Variants in RASAL2 observed in about 807,000 individuals in gnomAD.
RASAL2 encodes RAS protein activator like 2, also known as ras GTPase-activating protein nGAP.
In RASAL2, 58 loss-of-function variants were observed where a neutral mutation model predicts 128.9. The ratio of observed to expected loss-of-function variants is 0.45; its 90% CI spans 0.36 to 0.56. The LOEUF (loss-of-function observed/expected upper bound fraction) is 0.56, where lower values mean the gene tolerates loss of function less well. Ranked by LOEUF, RASAL2 falls within the 20% of genes least tolerant of loss-of-function variation. RASAL2 has a pLI of 0.00. For synonymous variants in RASAL2, 561 were observed against 580.8 expected (o/e 0.97, Z 0.49); for missense variants, 1,360 against 1,601.6 (o/e 0.85, Z 2.57).
At chr1:178,396,030 G>T (rs1355224012) in intron 4 of RASAL2, among the ~76,000 whole-genome samples, 8 of 149,870 alleles carry the variant, frequency 5.3e-5, no homozygotes, top group Non-Finnish European at 1.0e-4. Flanking sequence ...TCAGAGCAGA[G>T]AAAAAAAAAG....
chr1:178,464,525 T>TA, intron 15 of RASAL2, 113 bp downstream of exon 15: 1 of 1,230,560 alleles, frequency 8.1e-7, no homozygotes, highest in Non-Finnish European at 1.1e-6. Context: ...CTCTACCCCT[T>TA]ATGTTAATCA....
chr1:178,162,308 T>TATATATATATAA (rs1452532619), intron 1 of RASAL2, among the ~76,000 whole-genome samples: 1 of 129,174 alleles, frequency 7.7e-6, no homozygotes, highest in African/African-American at 3.0e-5. Context: ...TATATATATA[T>TATATATATATAA]AATGTATTAT....
intron 1 of RASAL2, among the ~76,000 whole-genome samples, chr1:178,265,211 AATGG>A: frequency 6.6e-6 from 1 of 152,236 alleles, no homozygotes; most frequent in East Asian, 1.9e-4. Flanking sequence ...CAAATGTTCA[AATGG>A]AACTATATAG....
intron 1 of RASAL2, among the ~76,000 whole-genome samples, chr1:178,196,321 A>G (rs728687): frequency 0.049 from 7,474 of 152,288 alleles, 269 homozygotes; most frequent in African/African-American, 0.1. Context: ...AAGTCAAGGT[A>G]CAAAGTGAGA....
At chr1:178,262,992 T>C (rs1665771822) in intron 1 of RASAL2, among the ~76,000 whole-genome samples, 1 of 152,144 alleles carries the variant, frequency 6.6e-6, no homozygotes, top group African/African-American at 2.4e-5. Context: ...AAGAATAATA[T>C]GTAGATTTTT....
At chr1:178,241,581 A>G (rs970634496) in intron 1 of RASAL2, among the ~76,000 whole-genome samples, 4 of 152,182 alleles carry the variant, frequency 2.6e-5, no homozygotes, top group Non-Finnish European at 5.9e-5. Context: ...CTTTAATTTA[A>G]CTAGAATACA....
intron 1 of RASAL2, among the ~76,000 whole-genome samples, chr1:178,237,541 G>T (rs938563068): frequency 3.8e-4 from 58 of 152,294 alleles, no homozygotes; most frequent in African/African-American, 1.3e-3. Context: ...AGAGCCAGTG[G>T]TTTACGAGTA....
intron 1 of RASAL2, among the ~76,000 whole-genome samples, chr1:178,167,667 A>G (rs1297606119): frequency 1.3e-5 from 2 of 152,070 alleles, no homozygotes; most frequent in East Asian, 1.9e-4. Context: ...TTAATATACA[A>G]ATAAACTAGT....
intron 3 of RASAL2, among the ~76,000 whole-genome samples, chr1:178,383,657 C>T (rs970481771): frequency 6.6e-6 from 1 of 152,174 alleles, no homozygotes; most frequent in Non-Finnish European, 1.5e-5. Flanking sequence ...AACCCATTTC[C>T]TCCTACTATT....
intron 1 of RASAL2, among the ~76,000 whole-genome samples, chr1:178,137,161 G>A (rs1660356267): frequency 6.6e-6 from 1 of 152,072 alleles, no homozygotes; most frequent in Non-Finnish European, 1.5e-5. Flanking sequence ...TTTTTCTCTT[G>A]TTATTCAGAG....
At position 178,117,499 on chromosome 1, in the gene RASAL2, A is replaced by G. The variant is rs76544688; in HGVS notation, c.202+22805A>G. On this transcript the variant is annotated intron_variant, in intron 1 of 17. Coordinates refer to ENST00000367649, the MANE Select transcript of RASAL2 (RefSeq NM_170692.4). ...GCACAATTAGGATGTGGAATATGCT[A>G]TGGTCTGAATGCTGATGTCCTCCCC... is the stretch of plus-strand genomic sequence containing the variant. Among the ~76,000 whole-genome samples the G allele has an allele frequency of 9.2e-3, 1,408 of 152,344 alleles. 14 individuals carry two copies. The highest frequency in any genetic ancestry group is 0.032 in the African/African-American group (1,345 of 41,566).
chr1:178,458,905 CCTT>C (rs1187285231), intron 14 of RASAL2, among the ~76,000 whole-genome samples: 1 of 152,128 alleles, frequency 6.6e-6, no homozygotes, highest in Non-Finnish European at 1.5e-5. Flanking sequence ...GAAAATTAAT[CCTT>C]CTTAATTTTT....
rs1442300437 is a variant in RASAL2, at chr1:178,294,971, A to G, written c.331-5021A>G. The stretch of plus-strand genomic sequence containing the variant: ...GAGATACTAGTGGTCATGTTGAGCA[A>G]TGACAGAGATCTGACACTGCCAGTG... On this transcript the variant is annotated intron_variant, in intron 2 of 17. Transcript: ENST00000367649. Among the ~76,000 whole-genome samples the G allele has an allele frequency of 3.9e-5, 6 of 152,168 alleles. No individual in the cohort carries two copies. In the South Asian group the frequency reaches 6.2e-4, roughly 16 times the overall value.
chr1:178,218,681 C>T (rs575923273), intron 1 of RASAL2, among the ~76,000 whole-genome samples: 11 of 152,150 alleles, frequency 7.2e-5, no homozygotes, highest in South Asian at 4.1e-4. Flanking sequence ...AGCGAGACTC[C>T]GTCTCAAAAA....
chr1:178,451,033 A>T (rs1677340174), intron 9 of RASAL2, among the ~76,000 whole-genome samples: 1 of 152,166 alleles, frequency 6.6e-6, no homozygotes, highest in South Asian at 2.1e-4. Flanking sequence ...GCATATACAG[A>T]TTATGTAAGG....
rs115897536 is a variant in RASAL2, at chr1:178,104,843, G to A, written c.202+10149G>A. ...ATTTCCAAGTGAATGAGGGAAGGGC[G>A]GGAGTATAGACTCAAAGCAATTGGT... is the stretch of plus-strand genomic sequence containing the variant. On this transcript the variant is annotated intron_variant, in intron 1 of 17. Transcript: ENST00000367649. 8.8e-3 allele frequency among the ~76,000 whole-genome samples: 1,342 copies of A among 152,226 alleles called. 11 individuals carry two copies. The highest frequency in any genetic ancestry group is 0.02 in the Middle Eastern group (6 of 294).
chr1:178,462,324 AG>A (rs1341350740), intron 14 of RASAL2, among the ~76,000 whole-genome samples: 3 of 152,216 alleles, frequency 2.0e-5, no homozygotes, highest in African/African-American at 7.2e-5. Context: ...TGAATTCTAA[AG>A]ATAATCCAGA....
intron 1 of RASAL2, among the ~76,000 whole-genome samples, chr1:178,262,204 C>G (rs1665730550): frequency 6.6e-6 from 1 of 152,150 alleles, no homozygotes; most frequent in South Asian, 2.1e-4. Context: ...AGTGGGCAGG[C>G]TCCTTGTATT....
In RASAL2 at chr1:178,218,594, G is replaced by A. The variant is rs1056090394; in HGVS notation, c.203-64970G>A. On this transcript the variant is annotated intron_variant, in intron 1 of 17. Coordinates refer to ENST00000367649, the MANE Select transcript of RASAL2 (RefSeq NM_170692.4). Reference sequence around the variant, plus strand: ...CCCAGCTACTCGAGAGGCTGAGGCAGGAGAATTGCATGAATCCTGGAGGAG... The same window carrying A: ...CCCAGCTACTCGAGAGGCTGAGGCAAGAGAATTGCATGAATCCTGGAGGAG... 7.2e-5 allele frequency among the ~76,000 whole-genome samples: 11 copies of A among 152,320 alleles called. No individual in the cohort carries two copies. The South Asian group carries it at 2.1e-3, about 29-fold the overall frequency.
Sources: allele counts gnomAD v4.1 joint callset (sites outside exome capture counted in the v4.1 genomes callset), GRCh38; gene constraint gnomAD v4.1.1; transcripts MANE v1.5; gene names NCBI Gene and HGNC (gene_info 2026-07-23, HGNC 2026-07-21).